Variants in DENND4A observed in about 807,000 individuals in gnomAD.
DENND4A encodes DENN domain containing 4A.
A neutral mutation model predicts 199.3 loss-of-function variants in DENND4A; 70 were observed. The ratio of observed to expected loss-of-function variants is 0.35; its 90% confidence interval spans 0.29 to 0.43. The LOEUF is 0.43. Ranked by LOEUF, DENND4A falls within the 20% of genes least tolerant of loss-of-function variation. The pLI, the probability that DENND4A is intolerant of heterozygous loss-of-function variation, is 1.00. For synonymous variants in DENND4A, 686 were observed against 766.9 expected (o/e 0.89, Z 1.74); for missense variants, 1,723 against 2,255.8 (o/e 0.76, Z 4.78).
chr15:65,772,965 T>C (rs572365089), intron 1 of DENND4A, among the ~76,000 whole-genome samples: 18 of 127,324 alleles, frequency 1.4e-4, no homozygotes, highest in Non-Finnish European at 2.8e-4. Flanking sequence ...CCTCCAACCT[T>C]GAGAACCATG....
chr15:65,745,938 G>A (rs549276765), intron 4 of DENND4A, among the ~76,000 whole-genome samples: 21 of 151,400 alleles, frequency 1.4e-4, no homozygotes, highest in African/African-American at 3.9e-4. Context: ...GTTTGAGACC[G>A]GCCTGGCCAA....
chr15:65,695,358 C>T (rs540655494), intron 22 of DENND4A, among the ~76,000 whole-genome samples: 1 of 152,252 alleles, frequency 6.6e-6, no homozygotes, highest in East Asian at 1.9e-4. Context: ...TTTATGAAAA[C>T]TGATGTTTGA....
At chr15:65,743,761 A>G (rs1179258427) in intron 4 of DENND4A, among the ~76,000 whole-genome samples, 1 of 152,204 alleles carries the variant, frequency 6.6e-6, no homozygotes, top group African/African-American at 2.4e-5. Flanking sequence ...GGTAGAAGGA[A>G]TGTCAAGAGG....
rs779608412 is a variant in DENND4A, at chr15:65,690,774, G to A, written c.3820C>T (p.Arg1274Trp). Residue 1274 changes from arginine (R) to tryptophan (W), a missense_variant, in exon 23 of 33, where the codon CGG (arginine) becomes TGG (tryptophan). Coordinates refer to ENST00000443035, the MANE Select transcript of DENND4A (RefSeq NM_001320835.1). ...TSRTPSIDLQRACDDKLNKKS... is the reference protein window; with the variant it reads ...TSRTPSIDLQWACDDKLNKKS... The stretch of plus-strand genomic sequence containing the variant: ...TTATTTAATTTATCATCACATGCCC[G>A]TTGTAAATCAATGCTTGGTGTACGA... 5.9e-5 allele frequency: 95 copies of A among 1,613,208 alleles called. No homozygotes were observed. The highest frequency in any genetic ancestry group is 9.3e-5 in the African/African-American group (7 of 74,884).
At chr15:65,717,676 T>G in intron 13 of DENND4A, 102 bp downstream of exon 13, 1 of 1,037,162 alleles carries the variant, frequency 9.6e-7, no homozygotes, top group South Asian at 1.7e-5. Context: ...TCAAAATAGG[T>G]ATGTATTCTC....
At chr15:65,761,864 T>A (rs2076858081) in intron 1 of DENND4A, among the ~76,000 whole-genome samples, 1 of 152,050 alleles carries the variant, frequency 6.6e-6, no homozygotes, top group Non-Finnish European at 1.5e-5. Context: ...TCAAGTAACT[T>A]CCATATAAAA....
intron 4 of DENND4A, 69 bp downstream of exon 4, chr15:65,752,310 A>T (rs2076587990): frequency 1.7e-5 from 9 of 540,248 alleles, no homozygotes; most frequent in Non-Finnish European, 2.1e-5. Flanking sequence ...AAAAAAAAAA[A>T]AAAGATGTAT....
chr15:65,679,372 A>C (rs2076494883), intron 23 of DENND4A, among the ~76,000 whole-genome samples: 2 of 152,158 alleles, frequency 1.3e-5, no homozygotes, highest in Non-Finnish European at 2.9e-5. Flanking sequence ...AAGTGCTGGG[A>C]TTACAGGTGT....
Position 65,700,571 on chromosome 15 carries a change from A to G in DENND4A, c.2806T>C (p.Tyr936His). The G allele has an allele frequency of 6.5e-7, 1 of 1,540,620 alleles. No individual in the cohort carries two copies. Among genetic ancestry groups the G allele is most frequent in the Non-Finnish European group, 8.8e-7 (1 of 1,141,968 alleles). Residue 936 changes from tyrosine (Y) to histidine (H), a missense_variant, in exon 20 of 33, where the codon TAT becomes CAT. Tyr to His is a moderately conservative substitution (Grantham distance 83). Transcript: ENST00000443035. ...APFNTGLIKVYATDDRSSTGG... is the reference protein window; with the variant it reads ...APFNTGLIKVHATDDRSSTGG... ...GTACTAGATCTATCATCAGTAGCAT[A>G]TACTTTGATTAAACCCGTATTAAAA...
At chr15:65,780,193 C>G (rs1380422223) in intron 1 of DENND4A, among the ~76,000 whole-genome samples, 3 of 152,178 alleles carry the variant, frequency 2.0e-5, no homozygotes, top group Non-Finnish European at 4.4e-5. Flanking sequence ...TGCACCACCC[C>G]GCTAGGCCCA....
chr15:65,667,257 T>C (rs1255509211), intron 29 of DENND4A, among the ~76,000 whole-genome samples, 192 bp downstream of exon 29: 1 of 152,170 alleles, frequency 6.6e-6, no homozygotes, highest in Non-Finnish European at 1.5e-5. Context: ...TTGAACCCTG[T>C]AGCTGGAGGC....
chr15:65,776,851 A>G (rs1217635739), intron 1 of DENND4A, among the ~76,000 whole-genome samples: 1 of 152,192 alleles, frequency 6.6e-6, no homozygotes, highest in Non-Finnish European at 1.5e-5. Flanking sequence ...AGACTCAGAG[A>G]AATCATGCTA....
At position 65,701,096 on chromosome 15, in the gene DENND4A, T is replaced by C. The variant is rs1251448780; in HGVS notation, c.2656A>G (p.Arg886Gly). The C allele has an allele frequency of 6.2e-7, 1 of 1,610,310 alleles. No individual in the cohort carries two copies. The highest frequency in any genetic ancestry group is 8.5e-7 in the Non-Finnish European group (1 of 1,178,800). ...AAGTGTGCATGCTTCTTTAAAGCTC[T>C]TTTGAACTGTGTTACTCCTAAAACA... is the stretch of plus-strand genomic sequence containing the variant. ...NVVLGVTQFKRALKKHAHLSQ... is the reference protein window; with the variant it reads ...NVVLGVTQFKGALKKHAHLSQ... Residue 886 changes from arginine to glycine, a missense_variant, in exon 19 of 33, where the codon AGA (arginine) becomes GGA (glycine). Physicochemically the swap from Arg to Gly is moderately radical, Grantham distance 125. Around this residue, in one of 6 missense-constraint regions of DENND4A, gnomAD observed 650 missense variants for 738.1 expected, o/e 0.88. Coordinates refer to ENST00000443035, the MANE Select transcript of DENND4A (RefSeq NM_001320835.1).
At chr15:65,727,590 C>G (rs1330133097) in intron 11 of DENND4A, among the ~76,000 whole-genome samples, 1 of 152,104 alleles carries the variant, frequency 6.6e-6, no homozygotes, top group African/African-American at 2.4e-5. Context: ...CTACTGCACT[C>G]CAGCCTGAGT....
chr15:65,775,395 C>T (rs1314306607), intron 1 of DENND4A, among the ~76,000 whole-genome samples: 1 of 151,026 alleles, frequency 6.6e-6, no homozygotes, highest in African/African-American at 2.4e-5. Flanking sequence ...AATCCCAGCA[C>T]TTTGGGAGGC....
Position 65,669,875 on chromosome 15 carries a change from G to T in DENND4A, c.4691C>A (p.Ser1564Tyr). ...AGACTGCCTCGTCTGACTTGAAATG[G>T]AGGATGGAAAGTGCATATTTTCTGT... ...PSTENMHFPS[S>Y]ISSQTRQSCI... Residue 1564 changes from serine (S) to tyrosine (Y), a missense_variant, in exon 27 of 33, where the codon TCC becomes TAC. By Grantham distance (144) the Ser-to-Tyr change is moderately radical. Around this residue, in one of 6 missense-constraint regions of DENND4A, gnomAD observed 141 missense variants for 170.7 expected, o/e 0.83. Transcript: ENST00000443035. 1 of 1,613,956 alleles carries T rather than the reference G, an allele frequency of 6.2e-7. No individual in the cohort carries two copies. Among genetic ancestry groups the T allele is most frequent in the African/African-American group, 1.3e-5 (1 of 75,056 alleles).
At chr15:65,731,517 T>C (rs1347745303) in intron 9 of DENND4A, 125 bp downstream of exon 9, 1 of 785,818 alleles carries the variant, frequency 1.3e-6, no homozygotes, top group East Asian at 2.9e-5. Context: ...AAAAGGAATT[T>C]AGAGAAGTAG....
chr15:65,790,375 A>G (rs1220336072), intron 1 of DENND4A, among the ~76,000 whole-genome samples: 1 of 152,248 alleles, frequency 6.6e-6, no homozygotes, highest in East Asian at 1.9e-4. Context: ...AAAGTTATCT[A>G]CATTTATTCC....
chr15:65,690,225 C>G (rs907188029), intron 23 of DENND4A, among the ~76,000 whole-genome samples, 190 bp downstream of exon 23: 3 of 152,188 alleles, frequency 2.0e-5, no homozygotes, highest in African/African-American at 7.2e-5. Context: ...ACAAATATAA[C>G]CTTAGTAAGT....
Sources: gnomAD v4.1 joint callset for allele counts (sites outside exome capture counted in the v4.1 genomes callset) on GRCh38, gnomAD v4.1.1 for gene constraint, gnomAD v4.1.1 regional missense constraint, MANE v1.5 for transcripts, NCBI Gene and HGNC (gene_info 2026-07-23, HGNC 2026-07-21) for gene names.